CTIF: variants seen among roughly 807,000 people sequenced by gnomAD.
The protein encoded by CTIF is cap binding complex dependent translation initiation factor.
A neutral mutation model predicts 66.0 loss-of-function variants in CTIF; 21 were observed. The observed-to-expected ratio is 0.32, with a 90% confidence interval of 0.23 to 0.46. The LOEUF (loss-of-function observed/expected upper bound fraction) is 0.46. CTIF is among the 20% of genes least tolerant of loss of function. The probability of loss-of-function intolerance (pLI) is 1.00; values close to 1 mark genes in which losing one functional copy is unlikely to be tolerated. For synonymous variants in CTIF, 345 were observed against 326.4 expected (o/e 1.06, Z -0.62); for missense variants, 739 against 812.7 (o/e 0.91, Z 1.10).
chr18:48,630,860 G>A (rs963331403), intron 2 of CTIF, among the ~76,000 whole-genome samples: 3 of 151,904 alleles, frequency 2.0e-5, no homozygotes, highest in Admixed American at 1.3e-4. Flanking sequence ...GTATTTTTTA[G>A]TAGAGACGGG....
At chr18:48,586,353 C>T (rs2089768663) in intron 1 of CTIF, among the ~76,000 whole-genome samples, 2 of 151,578 alleles carry the variant, frequency 1.3e-5, no homozygotes. Context: ...CTTAGCTCAC[C>T]ACAACCTCCT....
intron 1 of CTIF, among the ~76,000 whole-genome samples, chr18:48,557,569 C>T (rs1304270242): frequency 1.3e-5 from 2 of 152,236 alleles, no homozygotes; most frequent in Non-Finnish European, 2.9e-5. Context: ...GAACCAATAC[C>T]TCTGCTCGAT....
intron 11 of CTIF, among the ~76,000 whole-genome samples, chr18:48,858,702 C>T (rs1259140575): frequency 1.3e-5 from 2 of 152,072 alleles, no homozygotes; most frequent in African/African-American, 4.8e-5. Context: ...TCCCAGTGGG[C>T]TTTTCAAGAT....
chr18:48,759,892 A>C (rs1908789273), intron 8 of CTIF, among the ~76,000 whole-genome samples: 1 of 152,190 alleles, frequency 6.6e-6, no homozygotes, highest in African/African-American at 2.4e-5. Flanking sequence ...TGGACCAAGA[A>C]GACATGGGCT....
chr18:48,852,087 T>C (rs574419327), intron 10 of CTIF, among the ~76,000 whole-genome samples: 1 of 151,584 alleles, frequency 6.6e-6, no homozygotes, highest in African/African-American at 2.4e-5. Context: ...TTTTTAAAAA[T>C]TAGCCAGACA....
chr18:48,655,774 T>A (rs1598812904), intron 3 of CTIF, among the ~76,000 whole-genome samples: 1 of 152,168 alleles, frequency 6.6e-6, no homozygotes, highest in East Asian at 1.9e-4. Context: ...TAGAATTCTC[T>A]AGGGGAAACT....
Position 48,757,982 on chromosome 18 carries a change from T to C in CTIF, c.648T>C (p.Ser216=), listed in dbSNP as rs1350502921. 1.1e-5 allele frequency: 17 copies of C among 1,613,434 alleles called. No individual in the cohort carries two copies. Among genetic ancestry groups the C allele is most frequent in the Non-Finnish European group, 1.4e-5 (17 of 1,179,832 alleles). The part of the protein sequence containing the change: ...PQQHGDHQPG[S]AKHNRDHQKS... ...AGCATGGTGACCACCAGCCAGGCAG[T>C]GCCAAACACAACAGGGACCACCAGA... Residue 216 remains serine, a synonymous_variant, in exon 8 of 12, where the codon AGT becomes AGC. Coordinates refer to ENST00000256413, the MANE Select transcript of CTIF (RefSeq NM_014772.3).
intron 1 of CTIF, among the ~76,000 whole-genome samples, chr18:48,576,033 A>G (rs577605956): frequency 6.6e-6 from 1 of 152,384 alleles, no homozygotes; most frequent in South Asian, 2.1e-4. Flanking sequence ...GGCCTCAGAG[A>G]GCCGCCGAAG....
intron 1 of CTIF, among the ~76,000 whole-genome samples, chr18:48,580,427 G>A (rs546676142): frequency 1.6e-4 from 24 of 152,322 alleles, no homozygotes; most frequent in African/African-American, 5.3e-4. Flanking sequence ...AATGAAGGTG[G>A]AGGCTGGGGA....
intron 3 of CTIF, among the ~76,000 whole-genome samples, chr18:48,638,373 T>C (rs889453589): frequency 4.6e-5 from 7 of 152,184 alleles, no homozygotes; most frequent in South Asian, 4.1e-4. Context: ...AAGAGTCCTT[T>C]TTCCTCTCCT....
At chr18:48,757,493 G>C (rs4939559) in intron 7 of CTIF, among the ~76,000 whole-genome samples, 25,528 of 152,164 alleles carry the variant, frequency 0.17, 2,424 homozygotes, top group Non-Finnish European at 0.21. Flanking sequence ...GTCTGCGTAT[G>C]CATCTTTGCT....
chr18:48,857,692 A>G (rs1422112692), intron 11 of CTIF, 51 bp downstream of exon 11: 2 of 1,550,736 alleles, frequency 1.3e-6, no homozygotes, highest in East Asian at 2.3e-5. Flanking sequence ...TGCATCTCTC[A>G]TGCCTTAACA....
At chr18:48,817,420 C>G in intron 10 of CTIF, 44 bp downstream of exon 10, 2 of 1,575,958 alleles carry the variant, frequency 1.3e-6, no homozygotes, top group Non-Finnish European at 8.6e-7. Context: ...CCAGACAGCA[C>G]CAGGTCTGGA....
intron 9 of CTIF, among the ~76,000 whole-genome samples, chr18:48,810,778 A>G (rs2068243453): frequency 1.3e-5 from 2 of 151,276 alleles, no homozygotes. Context: ...TATAAAGTCT[A>G]TAACATTTTG....
chr18:48,777,362 G>T (rs1173603059), intron 9 of CTIF, among the ~76,000 whole-genome samples: 3 of 152,188 alleles, frequency 2.0e-5, no homozygotes, highest in Non-Finnish European at 4.4e-5. Context: ...GATGGTGACC[G>T]CCACCAAGCC....
intron 1 of CTIF, among the ~76,000 whole-genome samples, chr18:48,608,245 T>G (rs2090240174): frequency 6.6e-6 from 1 of 152,200 alleles, no homozygotes; most frequent in Non-Finnish European, 1.5e-5. Flanking sequence ...TAGCTGATGG[T>G]TACAGCGCAA....
chr18:48,540,131 GTC>G (rs1165094018), intron 1 of CTIF: 1 of 152,164 alleles, frequency 6.6e-6, no homozygotes, highest in Non-Finnish European at 1.5e-5. Context: ...ACCCGTTGCG[GTC>G]TCCCCTTTGG....
At chr18:48,553,672 T>C (rs368869325) in intron 1 of CTIF, among the ~76,000 whole-genome samples, 32 of 140,404 alleles carry the variant, frequency 2.3e-4, no homozygotes, top group African/African-American at 1.0e-3. Flanking sequence ...TTTTTTTTTT[T>C]TTGAGACAAG....
Position 48,744,505 on chromosome 18 carries a change from T to C in CTIF, c.585-13414T>C, listed in dbSNP as rs139916018. Among the ~76,000 whole-genome samples, 631 of 152,328 alleles carry C rather than the reference T, an allele frequency of 4.1e-3. 5 individuals carry two copies. Among genetic ancestry groups the C allele is most frequent in the African/African-American group, 0.014 (571 of 41,570 alleles). On this transcript the variant is annotated intron_variant, in intron 7 of 11. Transcript: ENST00000256413. Reference sequence around the variant, plus strand: ...AGTACAAAGAATTCTTATATATCCATCACCCAGTTTCCTGTGATGTTAACA... The same window carrying C: ...AGTACAAAGAATTCTTATATATCCACCACCCAGTTTCCTGTGATGTTAACA...
Sources: allele counts gnomAD v4.1 joint callset (sites outside exome capture counted in the v4.1 genomes callset), GRCh38; gene constraint gnomAD v4.1.1; transcripts MANE v1.5; gene names NCBI Gene and HGNC (gene_info 2026-07-23, HGNC 2026-07-21).